Variants in MON1A observed in about 807,000 individuals in gnomAD.
MON1A encodes MON1 vesicular trafficking associated A.
In MON1A, 29 loss-of-function variants were observed where a neutral mutation model predicts 44.6. The observed-to-expected ratio is 0.65, with a 90% CI of 0.48 to 0.89. MON1A has a LOEUF of 0.89. Ranked by LOEUF, MON1A falls within the 40% of genes least tolerant of loss-of-function variation. The probability of loss-of-function intolerance (pLI) is 0.00; values close to 1 mark genes in which losing one functional copy is unlikely to be tolerated. For missense variants in MON1A, 615 were observed against 759.6 expected, an observed-to-expected ratio of 0.81 and a Z score of 2.24; for synonymous variants, 275 against 316.4, an observed-to-expected ratio of 0.87 and a Z score of 1.39.
chr3:49,928,033 A>G (rs2083064828), intron 1 of MON1A, among the ~76,000 whole-genome samples: 1 of 151,956 alleles, frequency 6.6e-6, no homozygotes, highest in South Asian at 2.1e-4. Context: ...CTCAGGGCCC[A>G]CTCTCCACTG....
intron 1 of MON1A, among the ~76,000 whole-genome samples, chr3:49,919,853 A>G (rs190305614): frequency 3.9e-5 from 6 of 152,278 alleles, no homozygotes; most frequent in African/African-American, 1.4e-4. Flanking sequence ...GCTCCCTTCC[A>G]AGCAGTGATT....
chr3:49,914,842 G>T (rs1425673055), intron 1 of MON1A, among the ~76,000 whole-genome samples: 1 of 151,934 alleles, frequency 6.6e-6, no homozygotes, highest in Non-Finnish European at 1.5e-5. Flanking sequence ...CACTGCGCCC[G>T]CCTAATTTTT....
Position 49,911,900 on chromosome 3 carries a change from G to T in MON1A, c.239C>A (p.Pro80His), listed in dbSNP as rs781136565. The change falls in exon 3 of 6, where the codon CCC (proline) becomes CAC (histidine). Residue 80 changes from proline (P) to histidine (H), a missense_variant. Pro to His is a moderately conservative substitution (Grantham distance 77, BLOSUM62 -2). Coordinates refer to ENST00000296473, the MANE Select transcript of MON1A (RefSeq NM_032355.4). This position sits in a 1 kb window ranked among gnomAD's most constrained non-coding sequence, Gnocchi z 5.7. The stretch of plus-strand genomic sequence containing the variant: ...GCGCATGTCTGTAGGCAGCGGCGGG[G>T]GACCCCTGGTACCCTCCTTGTGGCT... ...GDSHKEGTRGPPPLPTDMRQI... is the reference protein window; with the variant it reads ...GDSHKEGTRGHPPLPTDMRQI... The T allele has an allele frequency of 6.2e-6, 10 of 1,613,952 alleles. No homozygotes were observed. The South Asian group carries it at 9.9e-5, about 16-fold the overall frequency.
rs1330631353 is a variant in MON1A at position 49,911,881 on chromosome 3, G to A, written c.258C>T (p.Asp86=). ...GTRGPPPLPT[D]MRQISQDFSE... Reference sequence around the variant, plus strand: ...TAAAGTCCTGGCTGATCTGGCGCATGTCTGTAGGCAGCGGCGGGGGACCCC... The same window carrying A: ...TAAAGTCCTGGCTGATCTGGCGCATATCTGTAGGCAGCGGCGGGGGACCCC... Residue 86 remains aspartate (D), a synonymous_variant, in exon 3 of 6, where the codon GAC becomes GAT. Coordinates refer to ENST00000296473, the MANE Select transcript of MON1A (RefSeq NM_032355.4). This position sits in a 1 kb window ranked among gnomAD's most constrained non-coding sequence, Gnocchi z 5.7. 2 of 1,614,020 alleles carry A rather than the reference G, an allele frequency of 1.2e-6. No homozygotes were observed. Among genetic ancestry groups the A allele is most frequent in the Non-Finnish European group, 1.7e-6 (2 of 1,180,018 alleles).
chr3:49,920,192 C>G (rs1349622157), intron 1 of MON1A, among the ~76,000 whole-genome samples: 1 of 152,200 alleles, frequency 6.6e-6, no homozygotes, highest in Non-Finnish European at 1.5e-5. Context: ...CTTACTTCAC[C>G]CATAAACAAT....
rs1258817960 is a variant in MON1A at position 49,918,382 on chromosome 3, C to G, written c.-13-5023G>C. 7.3e-5 allele frequency among the ~76,000 whole-genome samples: 11 copies of G among 151,512 alleles called. No individual in the cohort carries two copies. The South Asian group carries it at 2.1e-3, about 29-fold the overall frequency. ...AAAGAACTTCCGGAGATTACCACCACGAGCTTACCTCATCTGCCAGAATAG... is the reference window on the plus strand; with the variant it reads ...AAAGAACTTCCGGAGATTACCACCAGGAGCTTACCTCATCTGCCAGAATAG... On this transcript the variant is annotated intron_variant, in intron 1 of 5. Transcript: ENST00000296473.
rs775060620 is a variant in MON1A, at chr3:49,910,259, G to A, written c.1239C>T (p.Phe413=). The A allele has an allele frequency of 6.3e-5, 102 of 1,614,006 alleles. No homozygotes were observed. Among genetic ancestry groups the A allele is most frequent in the Non-Finnish European group, 7.8e-5 (92 of 1,180,004 alleles). Residue 413 remains phenylalanine (F), a synonymous_variant, in exon 4 of 6, where the codon TTC becomes TTT. Coordinates refer to ENST00000296473, the MANE Select transcript of MON1A (RefSeq NM_032355.4). The surrounding 1 kb of genome is among the most constrained non-coding windows in gnomAD (Gnocchi z 8.0). ...CTCCGCGCTTGCGAAGGCGCTCCTG[G>A]AAGCGGCGGCGGCAGTCAGAGACTG... The part of the protein sequence containing the change: ...FFAVSDCRRR[F]QERLRKRGAH...
At position 49,911,131 on chromosome 3, in the gene MON1A, TCAACTGG is replaced by T. The variant is rs374198912; in HGVS notation, c.614-254_614-248del. Among the ~76,000 whole-genome samples, 1,057 of 151,398 alleles carry T rather than the reference TCAACTGG, an allele frequency of 7.0e-3. 15 individuals carry two copies. Among genetic ancestry groups the T allele is most frequent in the African/African-American group, 0.024 (997 of 41,250 alleles). ...ACACATTCTTATGCTAAGTGCTAAG[TCAACTGG>T]CAACTGGCAAGGGCTGGCTGGGTGG... On this transcript the variant is annotated intron_variant, in intron 3 of 5. Coordinates refer to ENST00000296473, the MANE Select transcript of MON1A (RefSeq NM_032355.4). This position sits in a 1 kb window ranked among gnomAD's most constrained non-coding sequence, Gnocchi z 5.7.
intron 1 of MON1A, 49 bp from the exon 2 acceptor site, chr3:49,913,408 G>C: frequency 6.4e-7 from 1 of 1,570,610 alleles, no homozygotes; most frequent in East Asian, 2.3e-5. Context: ...AGGGTCACAG[G>C]CATAATCAAC....
In MON1A at chr3:49,908,912, C is replaced by T; in HGVS notation, c.*102G>A. 1 of 1,402,298 alleles carries T rather than the reference C, an allele frequency of 7.1e-7. No individual in the cohort carries two copies. Among genetic ancestry groups the T allele is most frequent in the Non-Finnish European group, 9.6e-7 (1 of 1,038,178 alleles). 86.9% of individuals were successfully genotyped at this position (1,402,298 alleles called of 1,614,324 possible). On this transcript the variant is annotated 3_prime_UTR_variant, in exon 6 of 6. Coordinates refer to ENST00000296473, the MANE Select transcript of MON1A (RefSeq NM_032355.4). ...TTAATGCATTCACCAACCCACAGTC[C>T]CTGCCCGCTGGCTGGGCAAGAGAGG...
chr3:49,919,926 T>C (rs1367149241), intron 1 of MON1A, among the ~76,000 whole-genome samples: 2 of 152,130 alleles, frequency 1.3e-5, no homozygotes, highest in African/African-American at 4.8e-5. Context: ...CCACATCACC[T>C]GGCAAGGGAA....
chr3:49,925,720 C>T (rs2083046611), intron 1 of MON1A, among the ~76,000 whole-genome samples: 1 of 152,156 alleles, frequency 6.6e-6, no homozygotes, highest in Admixed American at 6.6e-5. Context: ...GCCTGGGCAA[C>T]ACAGCAAGAC....
At chr3:49,924,291 C>T (rs2083030328) in intron 1 of MON1A, among the ~76,000 whole-genome samples, 1 of 152,164 alleles carries the variant, frequency 6.6e-6, no homozygotes, top group Non-Finnish European at 1.5e-5. Context: ...TCAAGATGGT[C>T]TCTAGTAATC....
chr3:49,925,202 C>T (rs1042739473), intron 1 of MON1A, among the ~76,000 whole-genome samples: 1 of 152,128 alleles, frequency 6.6e-6, no homozygotes, highest in African/African-American at 2.4e-5. Flanking sequence ...GTAGCCTCAA[C>T]CTCCCAGGCC....
Position 49,911,490 on chromosome 3 carries a change from G to C in MON1A, c.613+36C>G. 6.4e-7 allele frequency: 1 copy of C among 1,573,390 alleles called. No homozygotes were observed. Among genetic ancestry groups the C allele is most frequent in the Non-Finnish European group, 8.6e-7 (1 of 1,158,848 alleles). ...ACCTGCTATGAATGAACCTTGGCCAGGGGAGCCCGCCCCATTCCCTCTCCA... is the reference window on the plus strand; with the variant it reads ...ACCTGCTATGAATGAACCTTGGCCACGGGAGCCCGCCCCATTCCCTCTCCA... On this transcript the variant is annotated intron_variant, in intron 3 of 5. Transcript: ENST00000296473. The surrounding 1 kb of genome is among the most constrained non-coding windows in gnomAD (Gnocchi z 5.7).
chr3:49,925,790 T>C (rs2083046976), intron 1 of MON1A, among the ~76,000 whole-genome samples: 1 of 152,142 alleles, frequency 6.6e-6, no homozygotes, highest in African/African-American at 2.4e-5. Flanking sequence ...ACACAGAATG[T>C]CCAATTTTCA....
intron 1 of MON1A, among the ~76,000 whole-genome samples, chr3:49,925,109 C>G (rs2083042359): frequency 6.6e-6 from 1 of 152,210 alleles, no homozygotes; most frequent in Non-Finnish European, 1.5e-5. Context: ...GTTGATTCAG[C>G]TTATGTTTAT....
At chr3:49,928,286 G>A (rs2083067558) in intron 1 of MON1A, among the ~76,000 whole-genome samples, 1 of 152,202 alleles carries the variant, frequency 6.6e-6, no homozygotes, top group East Asian at 1.9e-4. Flanking sequence ...TGGAAACTCA[G>A]ACAGGGAGGC....
intron 1 of MON1A, among the ~76,000 whole-genome samples, chr3:49,917,105 CGTGA>C (rs1559494246): frequency 7.2e-5 from 11 of 152,094 alleles, no homozygotes; most frequent in Non-Finnish European, 1.5e-4. Flanking sequence ...GGAACACAGG[CGTGA>C]GCCACCATGC....
Sources: gnomAD v4.1 joint callset for allele counts (sites outside exome capture counted in the v4.1 genomes callset) on GRCh38, gnomAD v4.1.1 for gene constraint, Gnocchi (gnomAD v3.1) non-coding constraint, MANE v1.5 for transcripts, NCBI Gene and HGNC (gene_info 2026-07-23, HGNC 2026-07-21) for gene names.